CNTNAP5: variants seen among roughly 807,000 people sequenced by gnomAD.
CNTNAP5 encodes the protein contactin associated protein family member 5.
In CNTNAP5, 72 loss-of-function variants were observed where a neutral mutation model predicts 150.2. The observed-to-expected ratio is 0.48, with a 90% CI of 0.40 to 0.58. The LOEUF is 0.58. Among genes scored for constraint, CNTNAP5 ranks in the 20% least tolerant of loss-of-function variants. The probability of loss-of-function intolerance (pLI) is 0.00; values close to 1 mark genes in which losing one functional copy is unlikely to be tolerated. For synonymous variants in CNTNAP5, 672 were observed against 619.8 expected, an observed-to-expected ratio of 1.08 and a Z score of -1.25; for missense variants, 1,636 against 1,626.2, an observed-to-expected ratio of 1.01 and a Z score of -0.10.
At chr2:124,283,463 T>A (rs1248163031) in intron 3 of CNTNAP5, among the ~76,000 whole-genome samples, 1 of 152,152 alleles carries the variant, frequency 6.6e-6, no homozygotes, top group Non-Finnish European at 1.5e-5. Context: ...CATGTGTCTT[T>A]GGGACTCAGG....
chr2:124,292,992 T>G (rs558212291), intron 3 of CNTNAP5, among the ~76,000 whole-genome samples: 5 of 152,208 alleles, frequency 3.3e-5, no homozygotes, highest in African/African-American at 1.2e-4. Flanking sequence ...GAGACAGAGC[T>G]AAAGTATAAA....
chr2:124,320,520 G>A (rs1239939012), intron 3 of CNTNAP5, among the ~76,000 whole-genome samples: 1 of 152,120 alleles, frequency 6.6e-6, no homozygotes, highest in Non-Finnish European at 1.5e-5. Context: ...AGCTGCCACA[G>A]CCACTGACAT....
At position 124,715,289 on chromosome 2, in the gene CNTNAP5, C is replaced by A. The variant is rs568783829; in HGVS notation, c.2078-31940C>A. Among the ~76,000 whole-genome samples the A allele has an allele frequency of 2.7e-3, 416 of 152,256 alleles. 2 individuals carry two copies. Among genetic ancestry groups the A allele is most frequent in the African/African-American group, 9.4e-3 (392 of 41,552 alleles). ...GACATGGCTTTCCTGACATTTAGAT[C>A]TTGTTACTTAGAAAACCCATTTGAC... is the stretch of plus-strand genomic sequence containing the variant. On this transcript the variant is annotated intron_variant, in intron 13 of 23. Coordinates refer to ENST00000682447, the MANE Select transcript of CNTNAP5 (RefSeq NM_001367498.1).
intron 21 of CNTNAP5, among the ~76,000 whole-genome samples, chr2:124,884,886 G>A (rs1001645420): frequency 3.2e-4 from 48 of 151,884 alleles, no homozygotes; most frequent in South Asian, 1.9e-3. Flanking sequence ...GTACTTTTTC[G>A]AACTATTTTC....
chr2:124,355,867 G>A (rs1184525016), intron 3 of CNTNAP5, among the ~76,000 whole-genome samples: 1 of 152,136 alleles, frequency 6.6e-6, no homozygotes, highest in East Asian at 1.9e-4. Flanking sequence ...TAGAAAGACT[G>A]ACCCTGTGAG....
intron 11 of CNTNAP5, among the ~76,000 whole-genome samples, chr2:124,599,077 GAT>G (rs967895599): frequency 1.3e-5 from 2 of 152,160 alleles, no homozygotes; most frequent in African/African-American, 4.8e-5. Context: ...CGGTACCTCA[GAT>G]GGAAATGCAG....
In CNTNAP5 at chr2:124,774,214, A is replaced by T. The variant is rs529470430; in HGVS notation, c.2752+1197A>T. Among the ~76,000 whole-genome samples, 155 of 149,012 alleles carry T rather than the reference A, an allele frequency of 1.0e-3. 1 individual carries two copies. In the East Asian group the frequency reaches 0.011, roughly 11 times the overall value. On this transcript the variant is annotated intron_variant, in intron 17 of 23. Transcript: ENST00000682447. ...ACTTTGTTTCCTTTTTTGTTTATTT[A>T]TTTTTTTTTTGCCAACTCCCACACT... is the stretch of plus-strand genomic sequence containing the variant.
intron 1 of CNTNAP5, among the ~76,000 whole-genome samples, chr2:124,031,033 A>G (rs1681034191): frequency 6.6e-6 from 1 of 151,998 alleles, no homozygotes; most frequent in Non-Finnish European, 1.5e-5. Context: ...ACATTCCACA[A>G]ACAAGCTATG....
intron 3 of CNTNAP5, among the ~76,000 whole-genome samples, chr2:124,311,323 G>A (rs79067667): frequency 0.022 from 3,330 of 152,156 alleles, 140 homozygotes; most frequent in African/African-American, 0.076. Context: ...GTTTGGTTTC[G>A]AGTGAGGCCT....
intron 21 of CNTNAP5, among the ~76,000 whole-genome samples, chr2:124,873,995 G>T (rs1430263802): frequency 6.6e-6 from 1 of 151,980 alleles, no homozygotes; most frequent in Admixed American, 6.6e-5. Flanking sequence ...ACCAGCCACG[G>T]TGCTACAGAT....
chr2:124,588,521 T>A lies in CNTNAP5; in HGVS notation c.1757-21280T>A, dbSNP rs149358468. ...GTTCAAGCCTTGCCGTATCTTTACA[T>A]ACCAACGACTTTACTTCCAGGCATC... On this transcript the variant is annotated intron_variant, in intron 11 of 23. Coordinates refer to ENST00000682447, the MANE Select transcript of CNTNAP5 (RefSeq NM_001367498.1). Among the ~76,000 whole-genome samples, 177 of 152,174 alleles carry A rather than the reference T, an allele frequency of 1.2e-3. 1 individual carries two copies. Among genetic ancestry groups the A allele is most frequent in the African/African-American group, 4.1e-3 (171 of 41,530 alleles).
chr2:124,816,366 G>T lies in CNTNAP5; in HGVS notation c.3217+18046G>T, dbSNP rs562701308. Among the ~76,000 whole-genome samples, 109 of 151,528 alleles carry T rather than the reference G, an allele frequency of 7.2e-4. 1 individual carries two copies. In the South Asian group the frequency reaches 0.022, roughly 31 times the overall value. ...GGTTGTTGGAAGAACTCAGTTTCTTGTAGTTTTGGTTCCTATTTTCTTTCT... is the reference window on the plus strand; with the variant it reads ...GGTTGTTGGAAGAACTCAGTTTCTTTTAGTTTTGGTTCCTATTTTCTTTCT... On this transcript the variant is annotated intron_variant, in intron 19 of 23. Transcript: ENST00000682447.
chr2:124,865,236 T>C (rs1486756174), intron 19 of CNTNAP5, 70 bp from the exon 20 acceptor site: 3 of 1,263,206 alleles, frequency 2.4e-6, no homozygotes, highest in Admixed American at 2.5e-5. Flanking sequence ...AATTAAAAGA[T>C]AATCTGATCA....
chr2:124,500,256 A>G (rs900409491), intron 7 of CNTNAP5, among the ~76,000 whole-genome samples: 35 of 152,316 alleles, frequency 2.3e-4, no homozygotes, highest in African/African-American at 5.5e-4. Flanking sequence ...CGAGCTGACC[A>G]AGGAAAGACT....
chr2:124,085,715 A>G (rs1469447270), intron 1 of CNTNAP5, among the ~76,000 whole-genome samples: 5 of 152,170 alleles, frequency 3.3e-5, no homozygotes, highest in African/African-American at 1.2e-4. Flanking sequence ...ACTGTCAATC[A>G]GTTTGATGTA....
At chr2:124,707,138 GAGGAAGAAGAAGAAGAAGAAGAA>G (rs1679696934) in intron 13 of CNTNAP5, among the ~76,000 whole-genome samples, 1 of 80,154 alleles carries the variant, frequency 1.2e-5, no homozygotes, top group East Asian at 4.0e-4. Flanking sequence ...AGAAGAAGAA[GAGGAAGAAGAAGAAGAAGAAGAA>G]GAAGAAGAAG....
At chr2:124,390,868 G>A (rs183023314) in intron 3 of CNTNAP5, among the ~76,000 whole-genome samples, 35 of 152,228 alleles carry the variant, frequency 2.3e-4, no homozygotes, top group Admixed American at 2.2e-3. Flanking sequence ...TCAGGAAGAG[G>A]TACCTACTTT....
chr2:124,624,637 A>C (rs1285110226), intron 12 of CNTNAP5, among the ~76,000 whole-genome samples: 1 of 152,248 alleles, frequency 6.6e-6, no homozygotes, highest in Non-Finnish European at 1.5e-5. Flanking sequence ...AAAATAAATA[A>C]ATCTGTTCTT....
chr2:124,364,791 G>A (rs1290561671), intron 3 of CNTNAP5, among the ~76,000 whole-genome samples: 3 of 152,132 alleles, frequency 2.0e-5, no homozygotes, highest in Non-Finnish European at 4.4e-5. Context: ...AAAAGTACCA[G>A]AGGAGAAAAA....
Sources: allele counts gnomAD v4.1 joint callset (sites outside exome capture counted in the v4.1 genomes callset), GRCh38; gene constraint gnomAD v4.1.1; transcripts MANE v1.5; gene names NCBI Gene and HGNC (gene_info 2026-07-23, HGNC 2026-07-21).